Variants in CA4 observed in about 807,000 individuals in gnomAD.
CA4 encodes the protein CA-IV.
Under a neutral mutation model 34.5 loss-of-function variants are expected in CA4, and 24 were observed. The ratio of observed to expected loss-of-function variants is 0.70; its 90% CI spans 0.50 to 0.98. The LOEUF is 0.98. Ranked by LOEUF, CA4 falls within the 50% of genes least tolerant of loss-of-function variation. The probability of loss-of-function intolerance (pLI) is 0.00; values close to 1 mark genes in which losing one functional copy is unlikely to be tolerated. For missense variants in CA4, 394 were observed against 396.7 expected (o/e 0.99, Z 0.06); for synonymous variants, 178 against 170.6 (o/e 1.04, Z -0.34).
At chr17:60,161,104 A>C (rs1407155761), downstream of CA4, among the ~76,000 whole-genome samples, 3 of 152,062 alleles carry the variant, frequency 2.0e-5, no homozygotes, top group Admixed American at 1.3e-4. Context: ...GGGGTGTCCA[A>C]GGGTGTGGGG....
At chr17:60,166,816 G>A (rs1416749355) in intron 5 of CA4, among the ~76,000 whole-genome samples, 2 of 152,212 alleles carry the variant, frequency 1.3e-5, no homozygotes, top group Non-Finnish European at 2.9e-5. Context: ...GATTAGCTGG[G>A]CATGGTGGCA....
intron 2 of CA4, 69 bp downstream of exon 2, chr17:60,155,436 C>T: frequency 7.6e-7 from 1 of 1,313,808 alleles, no homozygotes; most frequent in South Asian, 1.3e-5. Context: ...AAATGGAGAC[C>T]CCGGAAGAGT....
At chr17:60,156,892 G>T (rs773316981) in intron 3 of CA4, 177 bp downstream of exon 3, 3 of 670,834 alleles carry the variant, frequency 4.5e-6, no homozygotes, top group African/African-American at 1.8e-5. Context: ...GTATGTTTTC[G>T]TTACTTTTGT....
In CA4 at chr17:60,166,942, G is replaced by A. The variant is rs115268258; in HGVS notation, c.*179-3609G>A. Among the ~76,000 whole-genome samples, 168 of 152,084 alleles carry A rather than the reference G, an allele frequency of 1.1e-3. 1 individual carries two copies. The highest frequency in any genetic ancestry group is 3.1e-3 in the African/African-American group (128 of 41,472). On this transcript the variant is annotated intron_variant and NMD_transcript_variant, in intron 5 of 5. Transcript: ENST00000586876. Reference sequence around the variant, plus strand: ...AACGTACTCCAGCCTGGGTGACAAAGCAGGACTCCATCTCAAAAAACAAAA... The same window carrying A: ...AACGTACTCCAGCCTGGGTGACAAAACAGGACTCCATCTCAAAAAACAAAA...
chr17:60,163,559 C>A (rs1598002963), downstream of CA4, among the ~76,000 whole-genome samples: 2 of 152,318 alleles, frequency 1.3e-5, no homozygotes, highest in African/African-American at 4.8e-5. Flanking sequence ...CATGTCCTAG[C>A]CGCTCTGTTT....
chr17:60,156,497 T>A, intron 2 of CA4, 63 bp from the exon 3 acceptor site: 3 of 1,535,510 alleles, frequency 2.0e-6, no homozygotes, highest in Non-Finnish European at 2.7e-6. Context: ...TTCAGTGGGG[T>A]GGTGGGGGCT....
downstream of CA4, among the ~76,000 whole-genome samples, chr17:60,162,267 G>A (rs781193628): frequency 2.0e-5 from 3 of 152,118 alleles, no homozygotes; most frequent in South Asian, 6.2e-4. Flanking sequence ...TCCCGAGGCC[G>A]CCACTGATGG....
At chr17:60,153,621 C>G (rs1013333519) in intron 1 of CA4, among the ~76,000 whole-genome samples, 1 of 152,196 alleles carries the variant, frequency 6.6e-6, no homozygotes, top group Non-Finnish European at 1.5e-5. Context: ...GATCGGGACC[C>G]CTTTCCTGTA....
At chr17:60,154,467 G>A (rs1357437376) in intron 1 of CA4, among the ~76,000 whole-genome samples, 1 of 152,228 alleles carries the variant, frequency 6.6e-6, no homozygotes, top group Non-Finnish European at 1.5e-5. Flanking sequence ...TGGATGAGAT[G>A]TTGTGTTCGC....
chr17:60,155,632 TCA>T (rs1567729198), intron 2 of CA4, among the ~76,000 whole-genome samples: 9 of 144,244 alleles, frequency 6.2e-5, no homozygotes, highest in Admixed American at 1.4e-4. Context: ...ACACTCACAC[TCA>T]CACATGCACA....
At chr17:60,159,878 G>C (rs538245509), downstream of CA4, among the ~76,000 whole-genome samples, 1 of 152,180 alleles carries the variant, frequency 6.6e-6, no homozygotes, top group Non-Finnish European at 1.5e-5. Context: ...AGTGATTCAC[G>C]CCTGTAATCC....
chr17:60,158,884 C>T, intron 7 of CA4: 1 of 432,214 alleles, frequency 2.3e-6, no homozygotes, highest in Non-Finnish European at 4.3e-6. Flanking sequence ...GGGGGTGGAG[C>T]CCAGGCATCT....
At chr17:60,160,625 A>G (rs540046426), downstream of CA4, among the ~76,000 whole-genome samples, 12 of 152,170 alleles carry the variant, frequency 7.9e-5, no homozygotes, top group East Asian at 2.3e-3. Flanking sequence ...TTAGCTGGGC[A>G]TGGTGGCGGG....
At chr17:60,157,284 C>A in intron 3 of CA4, 143 bp from the exon 4 acceptor site, 1 of 874,418 alleles carries the variant, frequency 1.1e-6, no homozygotes, top group South Asian at 1.4e-5. Flanking sequence ...TGTCCCACCC[C>A]GCGCCACCCC....
At chr17:60,156,807 C>G in intron 3 of CA4, 92 bp downstream of exon 3, 1 of 1,188,874 alleles carries the variant, frequency 8.4e-7, no homozygotes, top group Non-Finnish European at 1.3e-6. Flanking sequence ...TGTGCCAGAC[C>G]CAGGCCCATC....
At chr17:60,171,679 G>A (rs906720258), downstream of CA4, among the ~76,000 whole-genome samples, 8 of 152,200 alleles carry the variant, frequency 5.3e-5, no homozygotes, top group African/African-American at 9.7e-5. Context: ...CACAGCGGTT[G>A]CCCAGGCAGC....
chr17:60,158,508 C>T, intron 7 of CA4, 62 bp downstream of exon 7: 2 of 1,551,132 alleles, frequency 1.3e-6, no homozygotes, highest in Non-Finnish European at 1.8e-6. Flanking sequence ...AATTATCCCT[C>T]TGTCTGCCCT....
In CA4 at chr17:60,159,369, T is replaced by C. The variant is rs761665677; in HGVS notation, c.884T>C (p.Leu295Pro). The change falls in exon 8 of 8, where the codon CTG (leucine) becomes CCG (proline). Residue 295 changes from leucine (L) to proline (P), a missense_variant. Coordinates refer to ENST00000300900, the MANE Select transcript of CA4 (RefSeq NM_000717.5). ...GAPGRPLPWA[L>P]PALLGPMLAC... ...CCGGGTCGGCCGCTGCCCTGGGCCC[T>C]GCCTGCCCTGCTGGGCCCCATGCTG... The C allele has an allele frequency of 6.2e-7, 1 of 1,612,122 alleles. No homozygotes were observed. The highest frequency in any genetic ancestry group is 1.3e-5 in the African/African-American group (1 of 75,038).
downstream of CA4, among the ~76,000 whole-genome samples, chr17:60,172,249 GCA>G (rs2083917353): frequency 6.6e-6 from 1 of 152,124 alleles, no homozygotes; most frequent in East Asian, 1.9e-4. Context: ...CTCCAACCAG[GCA>G]CATTTTTCCT....
Sources: allele counts gnomAD v4.1 joint callset (sites outside exome capture counted in the v4.1 genomes callset), GRCh38; gene constraint gnomAD v4.1.1; transcripts MANE v1.5; gene names NCBI Gene and HGNC (gene_info 2026-07-23, HGNC 2026-07-21).